VGLL4: variants seen among roughly 807,000 people sequenced by gnomAD.
The protein encoded by VGLL4 is transcription cofactor vestigial-like protein 4.
A neutral mutation model predicts 21.0 loss-of-function variants in VGLL4; 7 were observed. That is an observed-to-expected ratio of 0.33 (90% CI 0.19 to 0.63). The LOEUF (loss-of-function observed/expected upper bound fraction) is 0.63. VGLL4 is among the 20% of genes least tolerant of loss of function. The pLI, the probability that VGLL4 is intolerant of heterozygous loss-of-function variation, is 0.78. For synonymous variants in VGLL4, 222 were observed against 173.2 expected (o/e 1.28, Z -2.21); for missense variants, 394 against 425.7 (o/e 0.93, Z 0.66).
At chr3:11,633,613 T>G (rs2075528853) in intron 1 of VGLL4, 1 of 152,268 alleles carries the variant, frequency 6.6e-6, no homozygotes, top group South Asian at 2.1e-4. Context: ...GAGGTTGCAG[T>G]GAGCCGAGAT....
At chr3:11,652,367 A>G (rs2125343443) in intron 2 of VGLL4, among the ~76,000 whole-genome samples, 1 of 152,358 alleles carries the variant, frequency 6.6e-6, no homozygotes, top group East Asian at 1.9e-4. Flanking sequence ...ATGTGCTTTC[A>G]CATAAATTTA....
At chr3:11,691,405 G>T (rs895566999) in intron 2 of VGLL4, among the ~76,000 whole-genome samples, 1 of 152,042 alleles carries the variant, frequency 6.6e-6, no homozygotes, top group Non-Finnish European at 1.5e-5. Context: ...ATCATCAGCT[G>T]GTGTGCTGGT....
chr3:11,662,391 C>T (rs1249891612), intron 2 of VGLL4, among the ~76,000 whole-genome samples: 1 of 152,086 alleles, frequency 6.6e-6, no homozygotes, highest in African/African-American at 2.4e-5. Flanking sequence ...GCAAAATGTT[C>T]GTAATTCTAA....
chr3:11,654,084 CCCA>C (rs946067185), intron 2 of VGLL4, among the ~76,000 whole-genome samples: 5 of 151,726 alleles, frequency 3.3e-5, no homozygotes, highest in Admixed American at 6.6e-5. Flanking sequence ...TAGGACACCC[CCCA>C]CCACCACCAC....
At chr3:11,626,430 A>G (rs756191042) in intron 1 of VGLL4, 3 of 456,810 alleles carry the variant, frequency 6.6e-6, no homozygotes, top group South Asian at 4.6e-5. Flanking sequence ...TACTTCAAAG[A>G]TAAGCCCTGG....
Position 11,568,556 on chromosome 3 carries a change from G to A in VGLL4, c.273-3537C>T. On this transcript the variant is annotated intron_variant, in intron 2 of 4. Transcript: ENST00000430365. This position sits in a 1 kb window ranked among gnomAD's most constrained non-coding sequence, Gnocchi z 5.9. The stretch of plus-strand genomic sequence containing the variant: ...AAAGACACTGAAAACAGCGAGAAAA[G>A]GCCTGGAGAACTGGCTGGTTAATTT... 6.4e-7 allele frequency: 1 copy of A among 1,552,278 alleles called. No individual in the cohort carries two copies. The highest frequency in any genetic ancestry group is 8.7e-7 in the Non-Finnish European group (1 of 1,146,578).
At chr3:11,668,951 A>T (rs533953670) in intron 2 of VGLL4, among the ~76,000 whole-genome samples, 2 of 152,296 alleles carry the variant, frequency 1.3e-5, no homozygotes, top group African/African-American at 4.8e-5. Context: ...TTCAAACTCA[A>T]TACCAACCAG....
At chr3:11,656,860 G>T (rs1559927161) in intron 2 of VGLL4, among the ~76,000 whole-genome samples, 1 of 152,204 alleles carries the variant, frequency 6.6e-6, no homozygotes, top group Non-Finnish European at 1.5e-5. Flanking sequence ...ACGAAGCACG[G>T]CCCTGGTCAG....
intron 1 of VGLL4, among the ~76,000 whole-genome samples, chr3:11,605,928 C>A (rs1192516582): frequency 1.1e-4 from 16 of 152,152 alleles, no homozygotes; most frequent in Admixed American, 1.0e-3. Flanking sequence ...ATAGGCATTT[C>A]CGAAGAGAAG....
At chr3:11,711,779 A>G (rs1447814769) in intron 1 of VGLL4, among the ~76,000 whole-genome samples, 1 of 152,120 alleles carries the variant, frequency 6.6e-6, no homozygotes, top group Non-Finnish European at 1.5e-5. Context: ...AAAACACTGT[A>G]TTTAGACGTT....
chr3:11,628,830 A>G lies in VGLL4; in HGVS notation c.82+14607T>C, dbSNP rs555938613. ...GCGAGACTCTGTCTCAAACAAAAAC[A>G]AAAACAAAAAAATCAATCTCACTGC... On this transcript the variant is annotated intron_variant, in intron 1 of 4. Coordinates refer to ENST00000430365, the MANE Select transcript of VGLL4 (RefSeq NM_001128219.3). Among the ~76,000 whole-genome samples the G allele has an allele frequency of 1.8e-4, 28 of 152,348 alleles. 1 individual carries two copies. The South Asian group carries it at 5.6e-3, about 30-fold the overall frequency.
upstream of VGLL4, among the ~76,000 whole-genome samples, chr3:11,648,404 AAAGT>A (rs1443271738): frequency 3.3e-5 from 5 of 152,242 alleles, no homozygotes; most frequent in Non-Finnish European, 7.3e-5. Context: ...AGATGCTTTT[AAAGT>A]AAGGTTTTTG....
chr3:11,630,101 AC>A (rs2075443929), intron 1 of VGLL4, among the ~76,000 whole-genome samples: 1 of 152,148 alleles, frequency 6.6e-6, no homozygotes. Flanking sequence ...CCCTGACAAT[AC>A]CAAAATCACT....
Position 11,625,672 on chromosome 3 carries a change from TCAACC to T in VGLL4, c.82+17760_82+17764del, listed in dbSNP as rs554555343. Among the ~76,000 whole-genome samples the T allele has an allele frequency of 9.9e-5, 15 of 152,244 alleles. No individual in the cohort carries two copies. The South Asian group carries it at 3.1e-3, about 32-fold the overall frequency. On this transcript the variant is annotated intron_variant, in intron 1 of 4. Coordinates refer to ENST00000430365, the MANE Select transcript of VGLL4 (RefSeq NM_001128219.3). The stretch of plus-strand genomic sequence containing the variant: ...GCAGCATTGTAGTCTGTGTAACTGC[TCAACC>T]CAACCTTTATCCAGGAGCTAGTATT...
chr3:11,652,855 T>A (rs2075896643), intron 2 of VGLL4, among the ~76,000 whole-genome samples: 1 of 152,210 alleles, frequency 6.6e-6, no homozygotes, highest in African/African-American at 2.4e-5. Flanking sequence ...ATACAAATAT[T>A]TTCTTGCATG....
chr3:11,709,405 C>A (rs1323433820), intron 1 of VGLL4, among the ~76,000 whole-genome samples: 6 of 147,894 alleles, frequency 4.1e-5, no homozygotes, highest in Non-Finnish European at 7.4e-5. Context: ...CCATTGCACT[C>A]CAGCCCAGGG....
At chr3:11,655,533 CT>C (rs1384531266) in intron 2 of VGLL4, among the ~76,000 whole-genome samples, 1 of 152,226 alleles carries the variant, frequency 6.6e-6, no homozygotes, top group Non-Finnish European at 1.5e-5. Flanking sequence ...CTCAGCCTAT[CT>C]TCTTAAATTA....
chr3:11,608,295 A>G (rs1473876920), intron 1 of VGLL4, among the ~76,000 whole-genome samples: 1 of 152,210 alleles, frequency 6.6e-6, no homozygotes, highest in Non-Finnish European at 1.5e-5. Context: ...GGCCTTTTAC[A>G]TGAAGATAAT....
chr3:11,566,644 C>G (rs543660124), intron 2 of VGLL4, among the ~76,000 whole-genome samples: 2 of 152,304 alleles, frequency 1.3e-5, no homozygotes, highest in East Asian at 3.9e-4. Flanking sequence ...CACTCTCTGC[C>G]TCTGTGGCTG....
Sources: gnomAD v4.1 joint callset for allele counts (sites outside exome capture counted in the v4.1 genomes callset) on GRCh38, gnomAD v4.1.1 for gene constraint, Gnocchi (gnomAD v3.1) non-coding constraint, MANE v1.5 for transcripts, NCBI Gene and HGNC (gene_info 2026-07-23, HGNC 2026-07-21) for gene names.